Variants in SNX8 observed in about 807,000 individuals in gnomAD.
SNX8 encodes sorting nexin-8.
SNX8 carries 25 observed loss-of-function variants against 51.6 expected under a neutral mutation model. That is an observed-to-expected ratio of 0.48 (90% CI 0.35 to 0.68). The LOEUF is 0.68. Ranked by LOEUF, SNX8 falls within the 30% of genes least tolerant of loss-of-function variation. The pLI is 0.00. For synonymous variants in SNX8, 324 were observed against 277.0 expected (o/e 1.17, Z -1.68); for missense variants, 695 against 624.0 (o/e 1.11, Z -1.21).
rs756527890 is a variant in SNX8 at position 2,264,333 on chromosome 7, A to G, written c.747T>C (p.Asn249=). The G allele has an allele frequency of 6.8e-5, 109 of 1,612,620 alleles. No individual in the cohort carries two copies. Among genetic ancestry groups the G allele is most frequent in the Non-Finnish European group, 8.6e-5 (102 of 1,179,688 alleles). The change falls in exon 6 of 11, where the codon AAT becomes AAC. Residue 249 remains asparagine, a synonymous_variant. Transcript: ENST00000222990. The stretch of plus-strand genomic sequence containing the variant: ...TCCCGAATATGAGAAGATCTGCCGC[A>G]TTGTCGATGGCCCGCGATGCGATCC... The part of the protein sequence containing the change: ...AERIASRAID[N]AADLLIFGKE...
At chr7:2,321,477 A>T (rs1778511495) in intron 1 of SNX8, among the ~76,000 whole-genome samples, 1 of 142,296 alleles carries the variant, frequency 7.0e-6, no homozygotes, top group Non-Finnish European at 1.5e-5. Context: ...CCCAGGCTGG[A>T]GTGCAGTGGC....
chr7:2,321,283 T>A (rs1036273645), intron 1 of SNX8, among the ~76,000 whole-genome samples: 1 of 152,182 alleles, frequency 6.6e-6, no homozygotes, highest in Non-Finnish European at 1.5e-5. Flanking sequence ...GCAGTCTTCA[T>A]ACATCGTCAG....
chr7:2,299,614 G>A (rs1023572962), intron 1 of SNX8, among the ~76,000 whole-genome samples: 1 of 152,126 alleles, frequency 6.6e-6, no homozygotes, highest in Non-Finnish European at 1.5e-5. Flanking sequence ...GTAGGAGTTT[G>A]GAGTTCCAAA....
Position 2,254,013 on chromosome 7 carries a change from C to A in SNX8, c.*1043G>T, listed in dbSNP as rs1362300821. On this transcript the variant is annotated 3_prime_UTR_variant, in exon 11 of 11. Transcript: ENST00000222990. ...GGGTTCGGGCAGAAGCAGACCCAGGCCTGAGGCGGACAGTCCAGCCCCACA... is the reference window on the plus strand; with the variant it reads ...GGGTTCGGGCAGAAGCAGACCCAGGACTGAGGCGGACAGTCCAGCCCCACA... The A allele has an allele frequency of 2.6e-5, 4 of 152,500 alleles. No homozygotes were observed. The highest frequency in any genetic ancestry group is 9.7e-5 in the African/African-American group (4 of 41,436). 9.4% of individuals were successfully genotyped at this position (152,500 alleles called of 1,614,324 possible).
intron 1 of SNX8, among the ~76,000 whole-genome samples, chr7:2,304,436 C>T (rs950599813): frequency 2.9e-4 from 44 of 151,430 alleles, no homozygotes; most frequent in Non-Finnish European, 5.5e-4. Flanking sequence ...CCCAGCTACT[C>T]GGGAGGCTGA....
chr7:2,302,689 G>A lies in SNX8; in HGVS notation c.94+11639C>T, dbSNP rs565656244. The stretch of plus-strand genomic sequence containing the variant: ...TCTTCCCGGCCGCCACCACATCTAG[G>A]AAGTGAGGAGTGTCTTTGCCCGGCC... On this transcript the variant is annotated intron_variant, in intron 1 of 10. Coordinates refer to ENST00000222990, the MANE Select transcript of SNX8 (RefSeq NM_013321.4). Among the ~76,000 whole-genome samples the A allele has an allele frequency of 4.7e-4, 72 of 152,000 alleles. 2 individuals are homozygous for A. The South Asian group carries it at 0.015, about 31-fold the overall frequency.
chr7:2,294,166 G>A (rs1796219759), intron 1 of SNX8, among the ~76,000 whole-genome samples: 1 of 151,064 alleles, frequency 6.6e-6, no homozygotes, highest in Non-Finnish European at 1.5e-5. Flanking sequence ...GGGAGGCTGA[G>A]GCCAGAGAAT....
At chr7:2,263,466 G>A (rs1238398805) in intron 6 of SNX8, 104 bp from the exon 7 acceptor site, 3 of 1,194,476 alleles carry the variant, frequency 2.5e-6, no homozygotes, top group Admixed American at 4.8e-5. Context: ...GGCAACCTGC[G>A]TGACCCCGTC....
chr7:2,304,870 C>A (rs930930883), intron 1 of SNX8, among the ~76,000 whole-genome samples: 14 of 152,210 alleles, frequency 9.2e-5, no homozygotes, highest in Non-Finnish European at 1.8e-4. Flanking sequence ...GGTCCACCCC[C>A]AGCCTGGACT....
At chr7:2,267,159 C>T (rs62442515) in intron 5 of SNX8, among the ~76,000 whole-genome samples, 22,278 of 152,220 alleles carry the variant, frequency 0.15, 1,995 homozygotes, top group Middle Eastern at 0.26. Flanking sequence ...GCAACTGAAA[C>T]GAGGGTTAAA....
At chr7:2,334,401 T>TC (rs1259063567) in intron 1 of SNX8, among the ~76,000 whole-genome samples, 2 of 142,436 alleles carry the variant, frequency 1.4e-5, no homozygotes, top group African/African-American at 5.3e-5. Flanking sequence ...AGACTCCATC[T>TC]CAAAAAAAAA....
chr7:2,334,477 C>T (rs1778790008), intron 1 of SNX8, among the ~76,000 whole-genome samples: 1 of 151,622 alleles, frequency 6.6e-6, no homozygotes, highest in South Asian at 2.1e-4. Context: ...GCGGGCGGAT[C>T]ACTTGAGGTC....
intron 1 of SNX8, among the ~76,000 whole-genome samples, chr7:2,303,490 A>G (rs1025897897): frequency 1.3e-5 from 2 of 152,182 alleles, no homozygotes; most frequent in African/African-American, 4.8e-5. Flanking sequence ...CAGGATGACA[A>G]TGGCGGTTTT....
chr7:2,285,888 G>A (rs1796015634), intron 1 of SNX8, among the ~76,000 whole-genome samples: 1 of 152,074 alleles, frequency 6.6e-6, no homozygotes, highest in African/African-American at 2.4e-5. Flanking sequence ...TCACTATGTT[G>A]CCCAGGCTGG....
intron 1 of SNX8, among the ~76,000 whole-genome samples, chr7:2,292,093 G>A (rs1276684472): frequency 3.3e-5 from 5 of 152,146 alleles, no homozygotes; most frequent in Non-Finnish European, 7.3e-5. Flanking sequence ...GTGAAACCCT[G>A]TCTCTACTAA....
At chr7:2,320,643 G>A (rs553693245) in intron 1 of SNX8, among the ~76,000 whole-genome samples, 1 of 152,264 alleles carries the variant, frequency 6.6e-6, no homozygotes, top group Admixed American at 6.6e-5. Flanking sequence ...AGGATCGCTT[G>A]AGCCTGGGAG....
At chr7:2,276,563 C>A (rs947402851) in intron 2 of SNX8, among the ~76,000 whole-genome samples, 1 of 148,940 alleles carries the variant, frequency 6.7e-6, no homozygotes, top group Admixed American at 6.8e-5. Context: ...AGCACTTTGG[C>A]GGGCCAAAGT....
chr7:2,256,426 C>T (rs920894506), intron 10 of SNX8, among the ~76,000 whole-genome samples: 3 of 152,248 alleles, frequency 2.0e-5, no homozygotes, highest in Admixed American at 2.0e-4. Context: ...CAGAAATCAA[C>T]GGAGGCCTGT....
chr7:2,279,702 A>G (rs1795866917), intron 1 of SNX8, among the ~76,000 whole-genome samples: 1 of 149,600 alleles, frequency 6.7e-6, no homozygotes, highest in South Asian at 2.2e-4. Flanking sequence ...GCAGTGAGCC[A>G]TGATTGCACC....
Sources: allele counts gnomAD v4.1 joint callset (sites outside exome capture counted in the v4.1 genomes callset), GRCh38; gene constraint gnomAD v4.1.1; transcripts MANE v1.5; gene names NCBI Gene and HGNC (gene_info 2026-07-23, HGNC 2026-07-21).